NFIB: variants seen among roughly 807,000 people sequenced by gnomAD.
NFIB encodes nuclear factor 1 B-type.
NFIB carries 11 observed loss-of-function variants against 61.5 expected under a neutral mutation model. That is an observed-to-expected ratio of 0.18 (90% CI 0.11 to 0.30). The LOEUF is 0.30. Among genes scored for constraint, NFIB ranks in the 10% least tolerant of loss-of-function variants. The pLI, the probability that NFIB is intolerant of heterozygous loss-of-function variation, is 1.00. For synonymous variants in NFIB, 260 were observed against 216.5 expected, an observed-to-expected ratio of 1.20 and a Z score of -1.76; for missense variants, 471 against 608.9, an observed-to-expected ratio of 0.77 and a Z score of 2.38.
At chr9:14,291,765 T>C (rs1588160019) in intron 2 of NFIB, among the ~76,000 whole-genome samples, 2 of 151,720 alleles carry the variant, frequency 1.3e-5, no homozygotes, top group East Asian at 3.9e-4. Flanking sequence ...TCCTCATAAC[T>C]AGCTCTGACC....
chr9:14,324,076 A>G (rs983111391), intron 1 of NFIB, among the ~76,000 whole-genome samples: 3 of 152,218 alleles, frequency 2.0e-5, no homozygotes, highest in African/African-American at 4.8e-5. Flanking sequence ...GGATACACAC[A>G]TGTAGCTATC....
chr9:14,216,528 CTCTCTCTCTCTCTCCCTCTGTGTG>C lies in NFIB; in HGVS notation c.563-36772_563-36749del, dbSNP rs1257031559. Among the ~76,000 whole-genome samples, 128 of 89,668 alleles carry C rather than the reference CTCTCTCTCTCTCTCCCTCTGTGTG, an allele frequency of 1.4e-3. 2 individuals carry two copies. Among genetic ancestry groups the C allele is most frequent in the African/African-American group, 0.011 (124 of 11,746 alleles). The allele number at this position is 89,668 out of a possible 152,430, so 58.8% of individuals were successfully genotyped here. A position where few individuals can be genotyped will look rare whatever the true frequency, so the allele number is the denominator to read the frequency against. On this transcript the variant is annotated intron_variant, in intron 2 of 10. Transcript: ENST00000380953. ...TCTCTCTCTCTCTCTCTCTCTCTCTCTCTCTCTCTCTCTCCCTCTGTGTGTGTGTGTGTGTGTGTGTGTGTGTGT... is the reference window on the plus strand; with the variant it reads ...TCTCTCTCTCTCTCTCTCTCTCTCTCTGTGTGTGTGTGTGTGTGTGTGTGT...
intron 2 of NFIB, among the ~76,000 whole-genome samples, chr9:14,284,267 T>C (rs1050822449): frequency 6.6e-6 from 1 of 152,212 alleles, no homozygotes. Flanking sequence ...TGCTACCAAT[T>C]AATACTAACA....
chr9:14,128,184 GA>G (rs1316664751), intron 6 of NFIB, among the ~76,000 whole-genome samples: 1 of 152,078 alleles, frequency 6.6e-6, no homozygotes, highest in African/African-American at 2.4e-5. Flanking sequence ...GAGGTGGAAA[GA>G]ACCTCTATTC....
At chr9:14,197,459 T>G (rs533192356) in intron 2 of NFIB, among the ~76,000 whole-genome samples, 1 of 152,368 alleles carries the variant, frequency 6.6e-6, no homozygotes, top group Admixed American at 6.5e-5. Context: ...ATGGATCTTC[T>G]TGATGGAGCC....
intron 4 of NFIB, among the ~76,000 whole-genome samples, chr9:14,150,652 G>C (rs1209518231): frequency 1.3e-5 from 2 of 151,824 alleles, no homozygotes; most frequent in Non-Finnish European, 2.9e-5. Context: ...CACTACCTAG[G>C]CTCTCGAAAA....
chr9:14,475,131 A>C, the NFIB span, among the ~76,000 whole-genome samples: 1 of 152,238 alleles, frequency 6.6e-6, no homozygotes, highest in African/African-American at 2.4e-5. Flanking sequence ...TAACCACAAC[A>C]GTGCCCAACA....
chr9:14,183,831 T>C (rs936679534), intron 2 of NFIB, among the ~76,000 whole-genome samples: 15 of 152,278 alleles, frequency 9.9e-5, no homozygotes, highest in Admixed American at 8.5e-4. Flanking sequence ...CAATCTCTAT[T>C]TTCCCCATTC....
intron 2 of NFIB, among the ~76,000 whole-genome samples, chr9:14,248,884 G>GT (rs1329299212): frequency 6.6e-6 from 1 of 152,198 alleles, no homozygotes; most frequent in Non-Finnish European, 1.5e-5. Context: ...TGCCCGAGAA[G>GT]TAAGGGAACA....
intron 4 of NFIB, among the ~76,000 whole-genome samples, chr9:14,153,211 G>T (rs1415717947): frequency 1.3e-5 from 2 of 152,060 alleles, no homozygotes; most frequent in East Asian, 3.9e-4. Flanking sequence ...ACGGATTTAT[G>T]CATGAGCACT....
chr9:14,498,838 C>T, the NFIB span, among the ~76,000 whole-genome samples: 1 of 91,340 alleles, frequency 1.1e-5, no homozygotes, highest in Non-Finnish European at 2.0e-5. Context: ...TCCCTTCCTT[C>T]CTTCCTTCCT....
the NFIB span, among the ~76,000 whole-genome samples, chr9:14,459,036 C>CA: frequency 6.6e-6 from 1 of 152,072 alleles, no homozygotes; most frequent in Non-Finnish European, 1.5e-5. Context: ...CATATGGAAC[C>CA]AAAAAAGAGC....
chr9:14,312,729 C>T (rs1010932244), intron 1 of NFIB, among the ~76,000 whole-genome samples: 39 of 152,244 alleles, frequency 2.6e-4, no homozygotes, highest in African/African-American at 8.4e-4. Context: ...TTACTTCTAC[C>T]AGCATTACTT....
At chr9:14,473,562 C>T in the NFIB span, among the ~76,000 whole-genome samples, 2 of 152,172 alleles carry the variant, frequency 1.3e-5, no homozygotes, top group Admixed American at 1.3e-4. Flanking sequence ...AGCTTCCTCT[C>T]CCAACATCAC....
intron 9 of NFIB, among the ~76,000 whole-genome samples, chr9:14,115,128 T>G (rs1019201189): frequency 2.0e-5 from 3 of 152,002 alleles, no homozygotes; most frequent in Admixed American, 1.3e-4. Flanking sequence ...CTGTACAAAG[T>G]ATTGTCCATT....
chr9:14,363,775 T>C (rs2132950786), intron 1 of NFIB, among the ~76,000 whole-genome samples: 1 of 152,226 alleles, frequency 6.6e-6, no homozygotes, highest in South Asian at 2.1e-4. Context: ...TTTTCACTTA[T>C]TTTACAAAAA....
At chr9:14,483,758 TC>T in the NFIB span, among the ~76,000 whole-genome samples, 2 of 152,228 alleles carry the variant, frequency 1.3e-5, no homozygotes, top group Non-Finnish European at 2.9e-5. Context: ...TGGCTATGGT[TC>T]CTCAACAATA....
chr9:14,359,031 C>T (rs2061208670), intron 1 of NFIB, among the ~76,000 whole-genome samples: 1 of 152,182 alleles, frequency 6.6e-6, no homozygotes. Flanking sequence ...TACATCTCTT[C>T]CCAATTCCAT....
At chr9:14,105,757 A>G (rs887847414) in intron 10 of NFIB, among the ~76,000 whole-genome samples, 1 of 152,182 alleles carries the variant, frequency 6.6e-6, no homozygotes. Context: ...CAGACTCTAT[A>G]TATTAAAAGG....
Sources: gnomAD v4.1 joint callset for allele counts (sites outside exome capture counted in the v4.1 genomes callset) on GRCh38, gnomAD v4.1.1 for gene constraint, MANE v1.5 for transcripts, NCBI Gene and HGNC (gene_info 2026-07-23, HGNC 2026-07-21) for gene names.